Variants in AQR observed in about 807,000 individuals in gnomAD.
The protein encoded by AQR is RNA helicase aquarius.
In AQR, 61 loss-of-function variants were observed where a neutral mutation model predicts 180.5. The ratio of observed to expected loss-of-function variants is 0.34; its 90% CI spans 0.28 to 0.42. The LOEUF is 0.42. AQR is among the 10% of genes least tolerant of loss of function. AQR has a pLI of 1.00. For synonymous variants in AQR, 551 were observed against 588.8 expected (o/e 0.94, Z 0.93); for missense variants, 1,281 against 1,798.3 (o/e 0.71, Z 5.20).
intron 31 of AQR, chr15:34,869,395 T>C (rs78233842): frequency 0.078 from 11,894 of 152,218 alleles, 525 homozygotes; most frequent in Middle Eastern, 0.12. Flanking sequence ...GTTCATATAT[T>C]CTGGATATAC....
intron 24 of AQR, among the ~76,000 whole-genome samples, chr15:34,887,193 T>C (rs1371477839): frequency 6.6e-6 from 1 of 152,056 alleles, no homozygotes. Context: ...AGGGTGTTAC[T>C]GGTCTAGGAG....
chr15:34,918,490 G>T, intron 14 of AQR, 112 bp from the exon 15 acceptor site: 1 of 1,274,612 alleles, frequency 7.8e-7, no homozygotes, highest in African/African-American at 1.5e-5. Flanking sequence ...TTCAACAAGC[G>T]ATTTTTTTTT....
At chr15:34,874,904 A>C in intron 28 of AQR, 40 bp from the exon 29 acceptor site, 1 of 1,563,948 alleles carries the variant, frequency 6.4e-7, no homozygotes, top group Non-Finnish European at 8.7e-7. Context: ...ATACTCTATT[A>C]TCCTCTTGTC....
chr15:34,956,089 T>C (rs1164183476), intron 3 of AQR, among the ~76,000 whole-genome samples: 2 of 151,202 alleles, frequency 1.3e-5, no homozygotes, highest in East Asian at 1.9e-4. Flanking sequence ...GTTCGTGGAG[T>C]TTTTCAGCCT....
intron 4 of AQR, among the ~76,000 whole-genome samples, chr15:34,949,869 G>C (rs1386042615): frequency 6.7e-6 from 1 of 149,512 alleles, no homozygotes. Flanking sequence ...AGGAGGCTGA[G>C]GTAGGAGGAT....
chr15:34,860,912 T>C (rs1004867075), intron 33 of AQR, among the ~76,000 whole-genome samples: 69 of 152,196 alleles, frequency 4.5e-4, no homozygotes, highest in Non-Finnish European at 8.7e-4. Context: ...CTGTAGCTTC[T>C]GACAACAATC....
intron 13 of AQR, among the ~76,000 whole-genome samples, chr15:34,923,524 C>G (rs946244402): frequency 3.3e-5 from 5 of 152,074 alleles, no homozygotes; most frequent in Admixed American, 6.5e-5. Context: ...CACAAACCCA[C>G]GATCACAAAA....
chr15:34,928,187 A>C (rs933854855), intron 12 of AQR, among the ~76,000 whole-genome samples: 12 of 152,136 alleles, frequency 7.9e-5, no homozygotes, highest in African/African-American at 2.2e-4. Context: ...AAGAAGAAAA[A>C]CAGAGATTTT....
At chr15:34,902,063 T>G (rs962340507) in intron 19 of AQR, among the ~76,000 whole-genome samples, 2 of 152,196 alleles carry the variant, frequency 1.3e-5, no homozygotes, top group Non-Finnish European at 2.9e-5. Flanking sequence ...GAGAGATGGA[T>G]GCAGGGGACA....
intron 13 of AQR, among the ~76,000 whole-genome samples, chr15:34,923,097 G>A (rs959307151): frequency 6.6e-6 from 1 of 152,170 alleles, no homozygotes; most frequent in Non-Finnish European, 1.5e-5. Flanking sequence ...TCTTGAGAGA[G>A]AGACCACATT....
intron 27 of AQR, among the ~76,000 whole-genome samples, chr15:34,876,870 C>A (rs1218729189): frequency 6.6e-6 from 1 of 152,188 alleles, no homozygotes; most frequent in Non-Finnish European, 1.5e-5. Flanking sequence ...ATGCTATTCT[C>A]TTCACTTTTA....
chr15:34,917,043 G>A (rs1314268805), intron 15 of AQR, among the ~76,000 whole-genome samples: 3 of 152,064 alleles, frequency 2.0e-5, no homozygotes, highest in South Asian at 2.1e-4. Context: ...CCCTTTACCC[G>A]AAAGTAACTA....
chr15:34,961,612 C>CAAAAAA (rs1178777471), intron 2 of AQR, among the ~76,000 whole-genome samples: 6 of 26,836 alleles, frequency 2.2e-4, no homozygotes, highest in Admixed American at 4.9e-4. Context: ...GACTCCATCT[C>CAAAAAA]AAAAAAAAAA....
At chr15:34,895,190 ATATATATATAT>A (rs1566984219) in intron 22 of AQR, among the ~76,000 whole-genome samples, 22 of 52,278 alleles carry the variant, frequency 4.2e-4, no homozygotes, top group South Asian at 1.4e-3. Context: ...AAAAAAAAAT[ATATATATATAT>A]ATATATATAT....
chr15:34,868,301 G>C (rs76165615), intron 31 of AQR: 1 of 151,780 alleles, frequency 6.6e-6, no homozygotes, highest in Non-Finnish European at 1.5e-5. Flanking sequence ...ACTACACTCC[G>C]GCCTGGGTAA....
chr15:34,916,741 A>G (rs1249331592), intron 15 of AQR, among the ~76,000 whole-genome samples: 1 of 152,056 alleles, frequency 6.6e-6, no homozygotes, highest in African/African-American at 2.4e-5. Flanking sequence ...AGCCTGATCA[A>G]GCCTCTGCAC....
chr15:34,926,367 G>A (rs1205115757), intron 13 of AQR, among the ~76,000 whole-genome samples: 1 of 152,098 alleles, frequency 6.6e-6, no homozygotes, highest in Non-Finnish European at 1.5e-5. Context: ...TATCCCAAGA[G>A]CTGGGAGATG....
intron 16 of AQR, among the ~76,000 whole-genome samples, chr15:34,914,543 G>A (rs898944448): frequency 1.3e-5 from 2 of 152,074 alleles, no homozygotes; most frequent in South Asian, 2.1e-4. Flanking sequence ...GTACCACCCC[G>A]GGCAATGTGC....
intron 2 of AQR, among the ~76,000 whole-genome samples, chr15:34,963,345 T>C (rs909351311): frequency 1.3e-5 from 2 of 152,178 alleles, no homozygotes; most frequent in East Asian, 1.9e-4. Context: ...TGTCATATTA[T>C]TTGTTCTAAA....
Sources: allele counts gnomAD v4.1 joint callset (sites outside exome capture counted in the v4.1 genomes callset), GRCh38; gene constraint gnomAD v4.1.1; transcripts MANE v1.5; gene names NCBI Gene and HGNC (gene_info 2026-07-23, HGNC 2026-07-21).